TP73: variants seen among roughly 807,000 people sequenced by gnomAD.
TP73 encodes tumor protein p73, also known as p53-like transcription factor.
Under a neutral mutation model 62.5 loss-of-function variants are expected in TP73, and 25 were observed. That is an observed-to-expected ratio of 0.40 (90% CI 0.29 to 0.56). The LOEUF (loss-of-function observed/expected upper bound fraction) is 0.56. Ranked by LOEUF, TP73 falls within the 20% of genes least tolerant of loss-of-function variation. TP73 has a pLI of 0.46. For missense variants in TP73, 754 were observed against 913.3 expected (o/e 0.83, Z 2.25); for synonymous variants, 423 against 377.5 (o/e 1.12, Z -1.40).
At chr1:3,659,669 A>G (rs924074188) in intron 1 of TP73, among the ~76,000 whole-genome samples, 5 of 152,054 alleles carry the variant, frequency 3.3e-5, no homozygotes, top group Non-Finnish European at 5.9e-5. Flanking sequence ...AAATAATCTC[A>G]GTAAGATTAT....
intron 11 of TP73, 73 bp downstream of exon 11, chr1:3,730,221 A>ACCAC: frequency 7.2e-7 from 1 of 1,391,000 alleles, no homozygotes; most frequent in Non-Finnish European, 9.4e-7. Context: ...CTCAGGACAC[A>ACCAC]CCACCCAGCT....
In TP73 at chr1:3,733,214, T is replaced by G; in HGVS notation, c.*135T>G. ...CCGGGGAAAGGCAAGGTCCGGCCCA[T>G]CCCCAGGCACCTCACAGGCCCCAGG... is the stretch of plus-strand genomic sequence containing the variant. On this transcript the variant is annotated 3_prime_UTR_variant, in exon 14 of 14. Transcript: ENST00000378295. 1 of 1,092,460 alleles carries G rather than the reference T, an allele frequency of 9.2e-7. No individual in the cohort carries two copies. Among genetic ancestry groups the G allele is most frequent in the Non-Finnish European group, 1.3e-6 (1 of 785,578 alleles). The allele number at this position is 1,092,460 out of a possible 1,614,324, so 67.7% of individuals were successfully genotyped here.
At position 3,707,049 on chromosome 1, in the gene TP73, G is replaced by A. The variant is rs1157732908; in HGVS notation, c.187-500G>A. Among the ~76,000 whole-genome samples, 6 of 152,226 alleles carry A rather than the reference G, an allele frequency of 3.9e-5. No homozygotes were observed. In the East Asian group the frequency reaches 1.2e-3, roughly 29 times the overall value. On this transcript the variant is annotated intron_variant, in intron 3 of 13. Coordinates refer to ENST00000378295, the MANE Select transcript of TP73 (RefSeq NM_005427.4). ...CAGACCTAGTGAGAGCCCGGATCTGGTCTCCAGCACCTCAGGGGCACCCAC... is the reference window on the plus strand; with the variant it reads ...CAGACCTAGTGAGAGCCCGGATCTGATCTCCAGCACCTCAGGGGCACCCAC...
chr1:3,732,234 T>C (rs548982016), intron 13 of TP73, among the ~76,000 whole-genome samples: 1 of 152,332 alleles, frequency 6.6e-6, no homozygotes, highest in Non-Finnish European at 1.5e-5. Context: ...TGAGGGTCAG[T>C]GCGAGCTAGG....
chr1:3,728,241 A>C, intron 9 of TP73, 24 bp downstream of exon 9: 1 of 1,605,614 alleles, frequency 6.2e-7, no homozygotes. Flanking sequence ...CCTGCACGGC[A>C]GCCGGGAGAC....
At chr1:3,712,843 GC>G (rs1640265331) in intron 4 of TP73, among the ~76,000 whole-genome samples, 1 of 152,094 alleles carries the variant, frequency 6.6e-6, no homozygotes, top group Non-Finnish European at 1.5e-5. Flanking sequence ...CCTGGCCCCA[GC>G]AGCCAGACCC....
At chr1:3,718,998 T>C (rs1337282382) in intron 4 of TP73, among the ~76,000 whole-genome samples, 1 of 152,082 alleles carries the variant, frequency 6.6e-6, no homozygotes, top group East Asian at 1.9e-4. Flanking sequence ...TGGAGAGGCT[T>C]GTGCAGTGGC....
chr1:3,731,692 T>C (rs979233668), intron 13 of TP73, 136 bp downstream of exon 13: 7 of 779,608 alleles, frequency 9.0e-6, no homozygotes, highest in Non-Finnish European at 1.5e-5. Context: ...GCAGATGCGA[T>C]GATTTGACTC....
Position 3,664,458 on chromosome 1 carries a change from A to G in TP73, c.-34+11817A>G, listed in dbSNP as rs1011621500. 4.6e-5 allele frequency among the ~76,000 whole-genome samples: 7 copies of G among 151,650 alleles called. 1 individual carries two copies. Among genetic ancestry groups the G allele is most frequent in the Admixed American group, 3.3e-4 (5 of 15,212 alleles). On this transcript the variant is annotated intron_variant, in intron 1 of 13. Coordinates refer to ENST00000378295, the MANE Select transcript of TP73 (RefSeq NM_005427.4). ...GCCCCTCCTGCAGGAGAGGTGCAGTATTTCACTGGGTCCTTTGGAAAGGGC... is the reference window on the plus strand; with the variant it reads ...GCCCCTCCTGCAGGAGAGGTGCAGTGTTTCACTGGGTCCTTTGGAAAGGGC...
chr1:3,653,369 G>A (rs1191660387), intron 1 of TP73, among the ~76,000 whole-genome samples: 1 of 152,370 alleles, frequency 6.6e-6, no homozygotes, highest in East Asian at 1.9e-4. Flanking sequence ...TCCTCCTGCA[G>A]CCCCTGCCTT....
intron 1 of TP73, 84 bp from the exon 2 acceptor site, chr1:3,682,249 G>A (rs1183027159): frequency 9.1e-7 from 1 of 1,098,014 alleles, no homozygotes; most frequent in Non-Finnish European, 1.2e-6. Flanking sequence ...AGGCCCACTT[G>A]CCTGCCGCCC....
Position 3,725,345 on chromosome 1 carries a change from T to C in TP73, c.733-1770T>C, listed in dbSNP as rs376559830. Among the ~76,000 whole-genome samples, 12 of 139,432 alleles carry C rather than the reference T, an allele frequency of 8.6e-5. 1 individual carries two copies. In the East Asian group the frequency reaches 8.9e-4, roughly 10 times the overall value. The allele number at this position is 139,432 out of a possible 152,430, so 91.5% of individuals were successfully genotyped here. On this transcript the variant is annotated intron_variant, in intron 6 of 13. Transcript: ENST00000378295. ...CCCAGTGCTTGGGGTTCAGTGATCT[T>C]CATGAATGGGTGGCTGGATGGGGTG...
At chr1:3,658,417 G>A (rs1418746964) in intron 1 of TP73, among the ~76,000 whole-genome samples, 2 of 152,224 alleles carry the variant, frequency 1.3e-5, no homozygotes, top group Non-Finnish European at 2.9e-5. Flanking sequence ...GTAACCAGAT[G>A]GGAGCGGTGC....
Position 3,682,420 on chromosome 1 carries a change from T to G in TP73, c.55T>G (p.Trp19Gly). Residue 19 changes from tryptophan to glycine, a missense_variant, in exon 2 of 14, where the codon TGG becomes GGG. Physicochemically the swap from Trp to Gly is radical, Grantham distance 184. Around this residue, in one of 3 missense-constraint regions of TP73, gnomAD observed 235 missense variants for 251.4 expected, o/e 0.93. Coordinates refer to ENST00000378295, the MANE Select transcript of TP73 (RefSeq NM_005427.4). ...PDGGTTFEHL[W>G]SSLEPDSTYF... is the part of the protein sequence containing the mutation. ...TGGGGGCACCACGTTTGAGCACCTC[T>G]GGAGCTCTCTGTGAGTGCGCTTGGC... 1 of 1,547,128 alleles carries G rather than the reference T, an allele frequency of 6.5e-7. No individual in the cohort carries two copies. Among genetic ancestry groups the G allele is most frequent in the Admixed American group, 1.9e-5 (1 of 53,850 alleles).
intron 3 of TP73, among the ~76,000 whole-genome samples, chr1:3,687,447 G>A (rs929809019): frequency 3.9e-5 from 6 of 152,328 alleles, no homozygotes; most frequent in Middle Eastern, 3.4e-3. Flanking sequence ...TGTGATGGTG[G>A]GGCGGGGGTC....
chr1:3,689,408 T>C (rs1645749773), intron 3 of TP73, among the ~76,000 whole-genome samples: 1 of 152,210 alleles, frequency 6.6e-6, no homozygotes, highest in Non-Finnish European at 1.5e-5. Context: ...ACTCACCTGC[T>C]GCCTCCCGGC....
At chr1:3,729,204 G>A (rs1641926074) in intron 9 of TP73, 123 bp from the exon 10 acceptor site, 1 of 1,361,452 alleles carries the variant, frequency 7.3e-7, no homozygotes, top group Non-Finnish European at 1.0e-6. Context: ...AGCCTCTGGG[G>A]TGCTGGGGAA....
chr1:3,674,441 G>A lies in TP73; in HGVS notation c.-33-7892G>A, dbSNP rs553039156. On this transcript the variant is annotated intron_variant, in intron 1 of 13. Transcript: ENST00000378295. ...CCCAAACTAGGGGAGTGGGGCAGCA[G>A]GCGTGCCATCTGTGGCGGTGAGGGG... 3.3e-5 allele frequency among the ~76,000 whole-genome samples: 5 copies of A among 152,370 alleles called. No individual in the cohort carries two copies. In the East Asian group the frequency reaches 9.7e-4, roughly 29 times the overall value.
intron 5 of TP73, 82 bp downstream of exon 5, chr1:3,722,289 A>G (rs1272165015): frequency 6.6e-6 from 10 of 1,519,116 alleles, no homozygotes; most frequent in Non-Finnish European, 9.0e-6. Context: ...CCTAACTGGG[A>G]GAGAGTGGGG....
Sources: gnomAD v4.1 joint callset for allele counts (sites outside exome capture counted in the v4.1 genomes callset) on GRCh38, gnomAD v4.1.1 for gene constraint, gnomAD v4.1.1 regional missense constraint, MANE v1.5 for transcripts, NCBI Gene and HGNC (gene_info 2026-07-23, HGNC 2026-07-21) for gene names.